Variants in ZEB1 observed in about 807,000 individuals in gnomAD.
The protein encoded by ZEB1 is zinc finger E-box-binding homeobox 1.
Under a neutral mutation model 84.9 loss-of-function variants are expected in ZEB1, and 21 were observed. The ratio of observed to expected loss-of-function variants is 0.25; its 90% confidence interval spans 0.18 to 0.36. The LOEUF (loss-of-function observed/expected upper bound fraction) is 0.36, where lower values mean the gene tolerates loss of function less well. Ranked by LOEUF, ZEB1 falls within the 10% of genes least tolerant of loss-of-function variation. ZEB1 has a pLI of 1.00. For missense variants in ZEB1, 1,104 were observed against 1,330.2 expected (o/e 0.83, Z 2.65); for synonymous variants, 420 against 471.1 (o/e 0.89, Z 1.41).
At position 31,495,820 on chromosome 10, in the gene ZEB1, G is replaced by A; in HGVS notation, c.304G>A (p.Asp102Asn). ...AATCCTGGGGCCTGAAGCTCAGGCAGATGAAGCAGGATGTACAGGTACTCT... is the reference window on the plus strand; with the variant it reads ...AATCCTGGGGCCTGAAGCTCAGGCAAATGAAGCAGGATGTACAGGTACTCT... ...QEILGPEAQA[D>N]EAGCTVKDDE... The change falls in exon 3 of 9, where the codon GAT becomes AAT. Residue 102 changes from aspartate to asparagine, a missense_variant. Asp to Asn is a conservative substitution (Grantham distance 23, BLOSUM62 1). Around this residue, in one of 7 missense-constraint regions of ZEB1, gnomAD observed 162 missense variants for 184.5 expected, o/e 0.88. Transcript: ENST00000424869. The A allele has an allele frequency of 1.2e-6, 2 of 1,613,052 alleles. No homozygotes were observed. The highest frequency in any genetic ancestry group is 1.1e-5 in the South Asian group (1 of 91,060).
chr10:31,510,001 A>G (rs1013296610), intron 4 of ZEB1, among the ~76,000 whole-genome samples: 9 of 152,118 alleles, frequency 5.9e-5, no homozygotes, highest in African/African-American at 2.2e-4. Context: ...AGTGTATTTC[A>G]ATAGGGGAAA....
chr10:31,444,726 G>A (rs1430382329), intron 1 of ZEB1, among the ~76,000 whole-genome samples: 1 of 151,810 alleles, frequency 6.6e-6, no homozygotes, highest in African/African-American at 2.4e-5. Context: ...ATAGTCGTAG[G>A]TATGCGGCGT....
chr10:31,377,087 CTTTTTT>C (rs1193120000), intron 1 of ZEB1, among the ~76,000 whole-genome samples: 2 of 107,194 alleles, frequency 1.9e-5, no homozygotes, highest in Non-Finnish European at 2.0e-5. Context: ...AACCTAGTGT[CTTTTTT>C]TTTTTTTTTT....
chr10:31,328,138 G>T (rs1204342817), intron 1 of ZEB1, among the ~76,000 whole-genome samples: 2 of 152,072 alleles, frequency 1.3e-5, no homozygotes, highest in Admixed American at 1.3e-4. Flanking sequence ...AGATTATAAA[G>T]ATATTTTCCT....
Position 31,526,787 on chromosome 10 carries a change from A to T in ZEB1, c.2901A>T (p.Gly967=). Residue 967 remains glycine (G), a synonymous_variant, in exon 9 of 9, where the codon GGA becomes GGT. Coordinates refer to ENST00000424869, the MANE Select transcript of ZEB1 (RefSeq NM_001174096.2). ...GEKPYQCDKC[G]KRFSHSGSYS... ...AGCCCTATCAATGTGACAAATGTGG[A>T]AAGCGCTTCTCACACTCTGGGTCTT... is the stretch of plus-strand genomic sequence containing the variant. The T allele has an allele frequency of 6.2e-7, 1 of 1,614,180 alleles. No individual in the cohort carries two copies. Among genetic ancestry groups the T allele is most frequent in the Non-Finnish European group, 8.5e-7 (1 of 1,180,028 alleles).
At position 31,521,867 on chromosome 10, in the gene ZEB1, C is replaced by G. The variant is rs2072481421; in HGVS notation, c.2535C>G (p.Thr845=). Residue 845 remains threonine (T), a synonymous_variant, in exon 7 of 9, where the codon ACC becomes ACG. Coordinates refer to ENST00000424869, the MANE Select transcript of ZEB1 (RefSeq NM_001174096.2). ...TTCTGATTCCCCAGGTGGCATACAC[C>G]TACTCAACTACGGTCAGCCCTGCAG... The part of the protein sequence containing the change: ...QTILIPQVAY[T]YSTTVSPAVQ... The G allele has an allele frequency of 6.2e-7, 1 of 1,613,984 alleles. No homozygotes were observed. Among genetic ancestry groups the G allele is most frequent in the Non-Finnish European group, 8.5e-7 (1 of 1,179,956 alleles).
chr10:31,407,710 T>C (rs1297802103), intron 1 of ZEB1, among the ~76,000 whole-genome samples: 2 of 151,880 alleles, frequency 1.3e-5, no homozygotes, highest in Admixed American at 6.6e-5. Flanking sequence ...ATGCTAAAAA[T>C]TCTCAATAAA....
intron 1 of ZEB1, among the ~76,000 whole-genome samples, chr10:31,435,435 G>C (rs948064361): frequency 6.6e-6 from 1 of 152,208 alleles, no homozygotes; most frequent in Non-Finnish European, 1.5e-5. Flanking sequence ...GTAAAAGAAA[G>C]TAAACAAGTA....
chr10:31,513,582 T>C (rs1055863701), intron 5 of ZEB1, among the ~76,000 whole-genome samples: 1 of 152,172 alleles, frequency 6.6e-6, no homozygotes. Context: ...TAAGTACTAA[T>C]TCTCTTTCCT....
chr10:31,471,498 C>G (rs1463587013), intron 2 of ZEB1, among the ~76,000 whole-genome samples: 1 of 150,704 alleles, frequency 6.6e-6, no homozygotes, highest in African/African-American at 2.4e-5. Context: ...ATCAATTCAA[C>G]AAGAAGAGCT....
intron 1 of ZEB1, among the ~76,000 whole-genome samples, chr10:31,422,481 GATT>G (rs1263952213): frequency 6.6e-6 from 1 of 152,046 alleles, no homozygotes; most frequent in Non-Finnish European, 1.5e-5. Context: ...AGTATCTTCA[GATT>G]ATTGTTTCCC....
chr10:31,374,364 A>G (rs897471075), intron 1 of ZEB1, among the ~76,000 whole-genome samples: 5 of 151,806 alleles, frequency 3.3e-5, no homozygotes, highest in Non-Finnish European at 5.9e-5. Context: ...AATCATTCCA[A>G]TGTTTACAGT....
rs557231250 is a variant in ZEB1, at chr10:31,470,206, G to A, written c.259+8969G>A. On this transcript the variant is annotated intron_variant, in intron 2 of 8. Transcript: ENST00000424869. ...TCCTCACCAGCAATGGAACAAAGCT[G>A]GACGGAGAACGACTTTGACGAGCTG... 1.5e-3 allele frequency among the ~76,000 whole-genome samples: 233 copies of A among 152,312 alleles called. 1 individual carries two copies. The highest frequency in any genetic ancestry group is 4.7e-3 in the African/African-American group (194 of 41,536).
At chr10:31,339,165 G>A (rs1286345127) in intron 1 of ZEB1, among the ~76,000 whole-genome samples, 1 of 152,098 alleles carries the variant, frequency 6.6e-6, no homozygotes, top group African/African-American at 2.4e-5. Context: ...TCATCCTGTA[G>A]CCATATATGC....
intron 1 of ZEB1, among the ~76,000 whole-genome samples, chr10:31,383,445 C>T (rs2048050818): frequency 6.6e-6 from 1 of 151,900 alleles, no homozygotes; most frequent in Admixed American, 6.6e-5. Context: ...AATTTATATG[C>T]CATGATTACA....
intron 1 of ZEB1, chr10:31,320,265 TGTTTGCG>T (rs1190294852): frequency 1.3e-5 from 2 of 152,108 alleles, no homozygotes; most frequent in Non-Finnish European, 2.9e-5. Flanking sequence ...GCGGCGGGTG[TGTTTGCG>T]GAGTTGTTAC....
chr10:31,335,900 AATT>A (rs1178603960), intron 1 of ZEB1, among the ~76,000 whole-genome samples: 8 of 152,216 alleles, frequency 5.3e-5, no homozygotes, highest in Non-Finnish European at 8.8e-5. Flanking sequence ...TTGGATGCAG[AATT>A]ATTATACAAA....
intron 2 of ZEB1, among the ~76,000 whole-genome samples, chr10:31,491,297 C>CT (rs1424766155): frequency 6.6e-6 from 1 of 151,790 alleles, no homozygotes; most frequent in African/African-American, 2.4e-5. Flanking sequence ...ATATTGTACT[C>CT]TTAGGGCCAC....
chr10:31,507,550 G>T, intron 4 of ZEB1, among the ~76,000 whole-genome samples: 1 of 151,532 alleles, frequency 6.6e-6, no homozygotes, highest in Non-Finnish European at 1.5e-5. Flanking sequence ...TCTCTTACTA[G>T]GTTATTTTAA....
Sources: allele counts gnomAD v4.1 joint callset (sites outside exome capture counted in the v4.1 genomes callset), GRCh38; gene constraint gnomAD v4.1.1; regional missense constraint gnomAD v4.1.1; transcripts MANE v1.5; gene names NCBI Gene and HGNC (gene_info 2026-07-23, HGNC 2026-07-21).